The following PPM1L variants were observed in gnomAD, a reference collection of about 807,000 sequenced individuals.
The protein encoded by PPM1L is protein phosphatase 1L.
PPM1L carries 13 observed loss-of-function variants against 31.4 expected under a neutral mutation model. The ratio of observed to expected loss-of-function variants is 0.41; its 90% CI spans 0.27 to 0.66. The LOEUF is 0.66. Among genes scored for constraint, PPM1L ranks in the 30% least tolerant of loss-of-function variants. The pLI is 0.29. For synonymous variants in PPM1L, 184 were observed against 175.4 expected, an observed-to-expected ratio of 1.05 and a Z score of -0.39; for missense variants, 326 against 453.7, an observed-to-expected ratio of 0.72 and a Z score of 2.56.
At chr3:160,759,538 T>C (rs1293535599) in intron 1 of PPM1L, among the ~76,000 whole-genome samples, 1 of 152,100 alleles carries the variant, frequency 6.6e-6, no homozygotes, top group African/African-American at 2.4e-5. Flanking sequence ...ACTGGACAAA[T>C]TGGCTTGAAT....
rs1390161493 is a variant in PPM1L, at chr3:161,072,625, C to CTT, written c.*3470_*3471dup. 7 of 152,048 alleles carry CTT rather than the reference C, an allele frequency of 4.6e-5. No homozygotes were observed. Among genetic ancestry groups the CTT allele is most frequent in the African/African-American group, 1.4e-4 (6 of 41,382 alleles). 9.4% of individuals were successfully genotyped at this position (152,048 alleles called of 1,614,324 possible). A position where few individuals can be genotyped will look rare whatever the true frequency, so the allele number is the denominator to read the frequency against. On this transcript the variant is annotated 3_prime_UTR_variant, in exon 4 of 4. Coordinates refer to ENST00000498165, the MANE Select transcript of PPM1L (RefSeq NM_139245.4). ...ACTGTTTTCCTTTGCGTTTAATTTC[C>CTT]TTTGTGTTTAATTTGACCACAGAAA...
At chr3:160,901,631 C>G (rs1560144565) in intron 1 of PPM1L, among the ~76,000 whole-genome samples, 1 of 152,174 alleles carries the variant, frequency 6.6e-6, no homozygotes, top group African/African-American at 2.4e-5. Context: ...CTTCAGGACC[C>G]TGCGCATAGG....
intron 2 of PPM1L, among the ~76,000 whole-genome samples, chr3:160,999,185 C>T (rs1429602045): frequency 1.3e-5 from 2 of 152,060 alleles, no homozygotes; most frequent in African/African-American, 4.8e-5. Context: ...TCACAACCAC[C>T]CTATAAAGAA....
rs145326598 is a variant in PPM1L, at chr3:160,881,513, A to G, written c.400-80223A>G. On this transcript the variant is annotated intron_variant, in intron 1 of 3. Coordinates refer to ENST00000498165, the MANE Select transcript of PPM1L (RefSeq NM_139245.4). ...CAATATATTTAAAAAATAATTTTCAATACACCTCCCCCATCTTTCTTAAGA... is the reference window on the plus strand; with the variant it reads ...CAATATATTTAAAAAATAATTTTCAGTACACCTCCCCCATCTTTCTTAAGA... 1.8e-3 allele frequency among the ~76,000 whole-genome samples: 281 copies of G among 152,248 alleles called. 1 individual carries two copies. The highest frequency in any genetic ancestry group is 6.3e-3 in the African/African-American group (261 of 41,530).
intron 2 of PPM1L, among the ~76,000 whole-genome samples, chr3:161,034,003 G>A (rs60073588): frequency 0.016 from 2,439 of 151,900 alleles, 80 homozygotes; most frequent in African/African-American, 0.055. Flanking sequence ...CAAGAAAAAA[G>A]CAAACAACCC....
chr3:161,022,886 G>A (rs377315990), intron 2 of PPM1L, among the ~76,000 whole-genome samples: 2 of 151,832 alleles, frequency 1.3e-5, no homozygotes, highest in East Asian at 1.9e-4. Context: ...GAATGGTCTC[G>A]ATCTCCTGAC....
rs190108083 is a variant in PPM1L at position 160,928,265 on chromosome 3, A to C, written c.400-33471A>C. 2.2e-4 allele frequency among the ~76,000 whole-genome samples: 34 copies of C among 152,304 alleles called. No homozygotes were observed. The East Asian group carries it at 6.4e-3, about 29-fold the overall frequency. On this transcript the variant is annotated intron_variant, in intron 1 of 3. Transcript: ENST00000498165. ...ATGTAAAATTGTGGGGTGGGGTTCA[A>C]GTATTTAATCTGCCTAGCACCCTTC...
chr3:160,766,579 C>G (rs535206975), intron 1 of PPM1L, among the ~76,000 whole-genome samples: 1 of 152,098 alleles, frequency 6.6e-6, no homozygotes, highest in Non-Finnish European at 1.5e-5. Context: ...CCTGAGGCCT[C>G]CCCAGCCATG....
At chr3:160,790,624 A>G (rs1712077421) in intron 1 of PPM1L, among the ~76,000 whole-genome samples, 1 of 152,042 alleles carries the variant, frequency 6.6e-6, no homozygotes, top group South Asian at 2.1e-4. Context: ...CTCTGAGGGT[A>G]GGATGTATTA....
intron 2 of PPM1L, among the ~76,000 whole-genome samples, chr3:161,049,526 A>G (rs1291618832): frequency 6.6e-6 from 1 of 152,172 alleles, no homozygotes; most frequent in Non-Finnish European, 1.5e-5. Context: ...GAAATTTTTA[A>G]AAGCCTGATT....
chr3:160,858,751 G>A (rs530092681), intron 1 of PPM1L, among the ~76,000 whole-genome samples: 1 of 152,228 alleles, frequency 6.6e-6, no homozygotes, highest in East Asian at 1.9e-4. Flanking sequence ...TAATTTACCT[G>A]TTTAAATTCT....
intron 1 of PPM1L, among the ~76,000 whole-genome samples, chr3:160,772,221 T>A (rs995072779): frequency 6.6e-6 from 1 of 152,208 alleles, no homozygotes; most frequent in Non-Finnish European, 1.5e-5. Context: ...GGCCCTGATC[T>A]GATTCATGAA....
chr3:160,992,103 C>G (rs527979127), intron 2 of PPM1L, among the ~76,000 whole-genome samples: 5 of 152,172 alleles, frequency 3.3e-5, no homozygotes, highest in Admixed American at 3.3e-4. Flanking sequence ...GAATTCGAAC[C>G]CAGGAAATCT....
chr3:160,954,439 G>A (rs970584167), intron 1 of PPM1L, among the ~76,000 whole-genome samples: 3 of 151,870 alleles, frequency 2.0e-5, no homozygotes, highest in South Asian at 2.1e-4. Flanking sequence ...TCAGCTCACT[G>A]CAACCTCCAC....
At chr3:160,786,207 A>ATATT (rs1560106768) in intron 1 of PPM1L, among the ~76,000 whole-genome samples, 49 of 30,882 alleles carry the variant, frequency 1.6e-3, no homozygotes, top group Non-Finnish European at 2.0e-3. Flanking sequence ...ATATATATAT[A>ATATT]TTTTTTTTTT....
At chr3:160,939,936 C>T (rs1010598049) in intron 1 of PPM1L, among the ~76,000 whole-genome samples, 3 of 152,126 alleles carry the variant, frequency 2.0e-5, no homozygotes, top group African/African-American at 7.2e-5. Context: ...AGCCTGGAAC[C>T]TCCTAGAGAC....
chr3:160,964,062 G>T (rs1313167763), intron 2 of PPM1L, among the ~76,000 whole-genome samples: 1 of 151,930 alleles, frequency 6.6e-6, no homozygotes, highest in Non-Finnish European at 1.5e-5. Context: ...CATGTTTGGG[G>T]AAGTCCTTAG....
intron 2 of PPM1L, among the ~76,000 whole-genome samples, chr3:161,031,285 C>T (rs1487521063): frequency 6.6e-6 from 1 of 152,114 alleles, no homozygotes; most frequent in African/African-American, 2.4e-5. Context: ...ATTCCAGTGA[C>T]CTGGAAAGAA....
At chr3:160,856,941 A>G (rs1460367357) in intron 1 of PPM1L, among the ~76,000 whole-genome samples, 1 of 152,082 alleles carries the variant, frequency 6.6e-6, no homozygotes, top group Admixed American at 6.6e-5. Context: ...GTTTAATAGT[A>G]TTTTAGTCTC....
Sources: allele counts gnomAD v4.1 joint callset (sites outside exome capture counted in the v4.1 genomes callset), GRCh38; gene constraint gnomAD v4.1.1; transcripts MANE v1.5; gene names NCBI Gene and HGNC (gene_info 2026-07-23, HGNC 2026-07-21).